The following ARMC2 variants were observed in gnomAD, a reference collection of about 807,000 sequenced individuals.
The protein encoded by ARMC2 is armadillo repeat containing 2.
Under a neutral mutation model 90.3 loss-of-function variants are expected in ARMC2, and 67 were observed. That is an observed-to-expected ratio of 0.74 (90% CI 0.61 to 0.91). The LOEUF (loss-of-function observed/expected upper bound fraction) is 0.91, where lower values mean the gene tolerates loss of function less well. ARMC2 is among the 40% of genes least tolerant of loss of function. The pLI is 0.00. For synonymous variants in ARMC2, 393 were observed against 393.0 expected (o/e 1.00, Z 0.00); for missense variants, 920 against 1,030.9 (o/e 0.89, Z 1.47).
intron 12 of ARMC2, among the ~76,000 whole-genome samples, chr6:108,940,656 C>T (rs923131577): frequency 1.3e-5 from 2 of 152,172 alleles, no homozygotes; most frequent in South Asian, 4.1e-4. Flanking sequence ...CCTATTGGCA[C>T]AGCTGGCAGC....
intron 8 of ARMC2, chr6:108,907,559 AG>A: frequency 7.0e-7 from 1 of 1,431,156 alleles, no homozygotes. Flanking sequence ...TTCCTCACAG[AG>A]GGGCTCGGGC....
chr6:109,023,133 A>G, the ARMC2 span, among the ~76,000 whole-genome samples: 1 of 152,208 alleles, frequency 6.6e-6, no homozygotes, highest in Non-Finnish European at 1.5e-5. Context: ...AAAATGTTCT[A>G]TAACATCTCT....
chr6:109,043,273 T>C, the ARMC2 span, among the ~76,000 whole-genome samples: 1 of 152,094 alleles, frequency 6.6e-6, no homozygotes, highest in Non-Finnish European at 1.5e-5. Context: ...CCTCTTAAGA[T>C]TGGGAAGAAG....
At chr6:108,955,797 TGCCCATGTCTGCTGAA>T in intron 13 of ARMC2, among the ~76,000 whole-genome samples, 1 of 152,270 alleles carries the variant, frequency 6.6e-6, no homozygotes. Flanking sequence ...CTCTGTAGCA[TGCCCATGTCTGCTGAA>T]GCTCTTTCCC....
chr6:108,964,991 G>T lies in ARMC2; in HGVS notation c.2297G>T (p.Cys766Phe), dbSNP rs1367306771. Residue 766 changes from cysteine (C) to phenylalanine (F), a missense_variant, in exon 17 of 18, where the codon TGT becomes TTT. Cys to Phe is a radical substitution (Grantham distance 205, BLOSUM62 -2). Transcript: ENST00000392644. ...TTTTATTAACTCAGGTTAGTGGACTGTTTAAGAGATTTGGGTCCTACTGAT... is the reference window on the plus strand; with the variant it reads ...TTTTATTAACTCAGGTTAGTGGACTTTTTAAGAGATTTGGGTCCTACTGAT... ...EGGGIKKLVDCLRDLGPTDWQ... is the reference protein window; with the variant it reads ...EGGGIKKLVDFLRDLGPTDWQ... 2.5e-6 allele frequency: 4 copies of T among 1,610,424 alleles called. No homozygotes were observed. The highest frequency in any genetic ancestry group is 1.1e-5 in the South Asian group (1 of 90,996).
At chr6:108,908,861 G>A (rs1177524986) in intron 8 of ARMC2, among the ~76,000 whole-genome samples, 2 of 151,982 alleles carry the variant, frequency 1.3e-5, no homozygotes, top group African/African-American at 4.8e-5. Context: ...CTTGAGGTCA[G>A]GAGTTCGAGA....
chr6:108,956,879 C>T (rs1583211373), intron 13 of ARMC2, among the ~76,000 whole-genome samples: 1 of 152,234 alleles, frequency 6.6e-6, no homozygotes, highest in East Asian at 1.9e-4. Context: ...GTAGTCCTAG[C>T]TACTCAGGAG....
chr6:109,022,134 T>C, the ARMC2 span, among the ~76,000 whole-genome samples: 1 of 152,050 alleles, frequency 6.6e-6, no homozygotes, highest in African/African-American at 2.4e-5. Context: ...TAATTTCCTA[T>C]AGAGATGCAC....
intron 11 of ARMC2, among the ~76,000 whole-genome samples, chr6:108,936,024 C>G (rs530556448): frequency 1.2e-4 from 19 of 152,024 alleles, no homozygotes; most frequent in Non-Finnish European, 2.2e-4. Flanking sequence ...ATTGATTCAT[C>G]AATTAGGAAG....
chr6:108,941,914 G>A (rs955531115), intron 12 of ARMC2, among the ~76,000 whole-genome samples: 4 of 152,006 alleles, frequency 2.6e-5, no homozygotes, highest in African/African-American at 9.7e-5. Context: ...TTTCCAGTAA[G>A]AAAAATACAT....
intron 4 of ARMC2, among the ~76,000 whole-genome samples, chr6:108,872,646 T>A (rs1776541828): frequency 6.6e-6 from 1 of 152,150 alleles, no homozygotes; most frequent in Admixed American, 6.6e-5. Flanking sequence ...GCCTTATCCC[T>A]TTATCCCAGG....
the ARMC2 span, chr6:109,008,779 A>T: frequency 1.0e-6 from 1 of 985,308 alleles, no homozygotes; most frequent in African/African-American, 1.7e-5. Context: ...CAGAAAAGGG[A>T]TGGCTTAATA....
chr6:108,888,278 G>A (rs1047922808), intron 5 of ARMC2, among the ~76,000 whole-genome samples: 7 of 152,154 alleles, frequency 4.6e-5, no homozygotes, highest in African/African-American at 1.7e-4. Flanking sequence ...GTTACCATGT[G>A]CCTGGAACTG....
At chr6:109,048,043 A>G in the ARMC2 span, among the ~76,000 whole-genome samples, 12,081 of 146,420 alleles carry the variant, frequency 0.083, 565 homozygotes, top group Middle Eastern at 0.17. Context: ...CTATTGTCCC[A>G]TGACCCTGCC....
intron 4 of ARMC2, among the ~76,000 whole-genome samples, chr6:108,871,138 G>C (rs1776369173): frequency 6.6e-6 from 1 of 152,168 alleles, no homozygotes. Flanking sequence ...GAGAGCAAGT[G>C]CTGGTGGTGG....
chr6:108,897,090 T>G (rs973661350), intron 6 of ARMC2, among the ~76,000 whole-genome samples: 3 of 152,202 alleles, frequency 2.0e-5, no homozygotes, highest in African/African-American at 4.8e-5. Flanking sequence ...TAAGGCAGAT[T>G]CATAAAAACA....
At chr6:109,009,708 C>G in the ARMC2 span, among the ~76,000 whole-genome samples, 1 of 152,050 alleles carries the variant, frequency 6.6e-6, no homozygotes, top group South Asian at 2.1e-4. Flanking sequence ...CGGTCTGACG[C>G]GGCGAGGTGA....
At chr6:108,935,981 T>C (rs1775927187) in intron 11 of ARMC2, among the ~76,000 whole-genome samples, 1 of 152,182 alleles carries the variant, frequency 6.6e-6, no homozygotes, top group Non-Finnish European at 1.5e-5. Flanking sequence ...TGGTATGTGG[T>C]CAAGTTTTTA....
chr6:109,027,103 T>C, the ARMC2 span, among the ~76,000 whole-genome samples: 1 of 151,316 alleles, frequency 6.6e-6, no homozygotes, highest in East Asian at 2.0e-4. Flanking sequence ...CTGGGAGGTG[T>C]AGGTTGCAGT....
Sources: allele counts gnomAD v4.1 joint callset (sites outside exome capture counted in the v4.1 genomes callset), GRCh38; gene constraint gnomAD v4.1.1; transcripts MANE v1.5; gene names NCBI Gene and HGNC (gene_info 2026-07-23, HGNC 2026-07-21).